MPPED1: variants seen among roughly 807,000 people sequenced by gnomAD.
MPPED1 encodes metallophosphoesterase domain-containing protein 1.
Under a neutral mutation model 36.2 loss-of-function variants are expected in MPPED1, and 16 were observed. The observed-to-expected ratio is 0.44, with a 90% CI of 0.30 to 0.67. The LOEUF is 0.67. Among genes scored for constraint, MPPED1 ranks in the 30% least tolerant of loss-of-function variants. The pLI is 0.10. For synonymous variants in MPPED1, 199 were observed against 191.3 expected, an observed-to-expected ratio of 1.04 and a Z score of -0.33; for missense variants, 307 against 453.4, an observed-to-expected ratio of 0.68 and a Z score of 2.93.
chr22:43,497,933 ATG>A (rs1354576050), intron 4 of MPPED1, among the ~76,000 whole-genome samples: 17 of 106,928 alleles, frequency 1.6e-4, no homozygotes, highest in African/African-American at 8.2e-4. Flanking sequence ...ATATATGTAT[ATG>A]TATATATATA....
At position 43,502,889 on chromosome 22, in the gene MPPED1, C is replaced by T; in HGVS notation, c.862+132C>T. 1 of 728,264 alleles carries T rather than the reference C, an allele frequency of 1.4e-6. No homozygotes were observed. Among genetic ancestry groups the T allele is most frequent in the South Asian group, 1.6e-5 (1 of 63,650 alleles). The allele number at this position is 728,264 out of a possible 1,614,324, so 45.1% of individuals were successfully genotyped here. A position where few individuals can be genotyped will look rare whatever the true frequency, so the allele number is the denominator to read the frequency against. On this transcript the variant is annotated intron_variant, in intron 6 of 6. Coordinates refer to ENST00000443721, the MANE Select transcript of MPPED1 (RefSeq NM_001044370.2). The surrounding 1 kb of genome is among the most constrained non-coding windows in gnomAD (Gnocchi z 5.5). ...CTACTGTTCGCTTTGTAACTGCTAACTGCCATACACACCCTGGCTGTCAAT... is the reference window on the plus strand; with the variant it reads ...CTACTGTTCGCTTTGTAACTGCTAATTGCCATACACACCCTGGCTGTCAAT...
In MPPED1 at chr22:43,426,587, G is replaced by T. The variant is rs6003194; in HGVS notation, c.224+1378G>T. The stretch of plus-strand genomic sequence containing the variant: ...ACCACTCGGAGAAGGAGTTGACGGG[G>T]TTTCGAAACCCTGGCCTGGTGGGGT... On this transcript the variant is annotated intron_variant, in intron 2 of 6. Transcript: ENST00000443721. Among the ~76,000 whole-genome samples the T allele has an allele frequency of 5.7e-3, 869 of 152,316 alleles. 9 individuals are homozygous for T. The highest frequency in any genetic ancestry group is 0.02 in the African/African-American group (839 of 41,572).
intron 2 of MPPED1, among the ~76,000 whole-genome samples, chr22:43,433,760 GA>G (rs135072): frequency 0.77 from 115,164 of 149,928 alleles, 45,492 homozygotes; most frequent in Non-Finnish European, 0.86. Context: ...TATATTGTCT[GA>G]AAAAAAAAAA....
At chr22:43,436,268 G>A (rs1328737954) in intron 3 of MPPED1, among the ~76,000 whole-genome samples, 1 of 152,232 alleles carries the variant, frequency 6.6e-6, no homozygotes. Flanking sequence ...CTGCCGTGGA[G>A]GCGTGGGTGC....
At chr22:43,446,825 C>G (rs5996335) in intron 3 of MPPED1, among the ~76,000 whole-genome samples, 2,373 of 152,316 alleles carry the variant, frequency 0.016, 65 homozygotes, top group African/African-American at 0.055. Context: ...ATTTGTGGCA[C>G]CTCTGTGTTG....
Position 43,424,455 on chromosome 22 carries a change from G to T in MPPED1, c.-78-453G>T, listed in dbSNP as rs146527539. The stretch of plus-strand genomic sequence containing the variant: ...GTGGGGCCATGTGGGTGTGTTTGGG[G>T]GTCTGTGGAGGATGGGGGAGGGTTG... On this transcript the variant is annotated intron_variant, in intron 1 of 6. Transcript: ENST00000443721. 4.6e-3 allele frequency among the ~76,000 whole-genome samples: 707 copies of T among 152,220 alleles called. 5 individuals carry two copies. Among genetic ancestry groups the T allele is most frequent in the Non-Finnish European group, 8.6e-3 (582 of 68,002 alleles).
intron 3 of MPPED1, among the ~76,000 whole-genome samples, chr22:43,469,079 A>C (rs1408007518): frequency 1.3e-5 from 2 of 152,018 alleles, no homozygotes; most frequent in African/African-American, 4.8e-5. Context: ...CTGGTCTCCA[A>C]GGTTGGTGCT....
intron 3 of MPPED1, among the ~76,000 whole-genome samples, chr22:43,468,755 C>T (rs755899995): frequency 2.6e-5 from 4 of 152,106 alleles, no homozygotes; most frequent in Non-Finnish European, 4.4e-5. Flanking sequence ...TTAATCAGGG[C>T]TCATGGAGAG....
chr22:43,499,695 GTGGAGGTGA>G, intron 5 of MPPED1, among the ~76,000 whole-genome samples: 1 of 135,970 alleles, frequency 7.4e-6, no homozygotes, highest in Non-Finnish European at 1.6e-5. Flanking sequence ...GATGGTGGTG[GTGGAGGTGA>G]TGATGGTGGT....
At chr22:43,413,366 T>A (rs1928972344) in intron 1 of MPPED1, among the ~76,000 whole-genome samples, 1 of 140,110 alleles carries the variant, frequency 7.1e-6, no homozygotes, top group Admixed American at 7.4e-5. Context: ...GTCAATAATC[T>A]GACTGGACTT....
At chr22:43,423,769 G>A (rs1244457933) in intron 1 of MPPED1, among the ~76,000 whole-genome samples, 3 of 152,194 alleles carry the variant, frequency 2.0e-5, no homozygotes, top group Non-Finnish European at 2.9e-5. Context: ...TGCGATATGA[G>A]TGTCCAGGAA....
chr22:43,474,593 T>C lies in MPPED1; in HGVS notation c.407-143T>C, dbSNP rs1931483027. On this transcript the variant is annotated intron_variant, in intron 3 of 6. Coordinates refer to ENST00000443721, the MANE Select transcript of MPPED1 (RefSeq NM_001044370.2). This position sits in a 1 kb window ranked among gnomAD's most constrained non-coding sequence, Gnocchi z 5.2. ...GGCAGCCTGCCCTATGAGTACAAGA[T>C]CGTGATCGCGGGCAACCACGAGCTG... 6.6e-7 allele frequency: 1 copy of C among 1,516,046 alleles called. No homozygotes were observed. Among genetic ancestry groups the C allele is most frequent in the Admixed American group, 1.7e-5 (1 of 57,634 alleles). 93.9% of individuals were successfully genotyped at this position (1,516,046 alleles called of 1,614,324 possible).
intron 2 of MPPED1, 23 bp from the exon 3 acceptor site, chr22:43,435,011 C>A (rs748614496): frequency 6.2e-7 from 1 of 1,608,344 alleles, no homozygotes; most frequent in South Asian, 1.1e-5. Context: ...CCTCCTGATC[C>A]GCAGTGTCAT....
chr22:43,448,792 G>A (rs1345314010), intron 3 of MPPED1, among the ~76,000 whole-genome samples: 4 of 151,796 alleles, frequency 2.6e-5, no homozygotes, highest in African/African-American at 4.8e-5. Flanking sequence ...TAGTAGGGAC[G>A]GGGTTTCACC....
At chr22:43,416,749 C>G (rs1251454396) in intron 1 of MPPED1, 1 of 152,956 alleles carries the variant, frequency 6.5e-6, no homozygotes, top group Admixed American at 6.5e-5. Flanking sequence ...AATCAGTCCA[C>G]TTGCTATTAT....
intron 3 of MPPED1, among the ~76,000 whole-genome samples, chr22:43,451,489 G>A (rs1930565892): frequency 6.6e-6 from 1 of 152,202 alleles, no homozygotes; most frequent in South Asian, 2.1e-4. Context: ...ACCTTTCGGA[G>A]TGTGCACGAT....
At chr22:43,495,869 A>T (rs374111881) in intron 4 of MPPED1, among the ~76,000 whole-genome samples, 1 of 1,436 alleles carries the variant, frequency 7.0e-4, no homozygotes, top group African/African-American at 1.8e-3. Context: ...GGTGGTGGAG[A>T]TGGTGGTGGT....
intron 3 of MPPED1, among the ~76,000 whole-genome samples, chr22:43,441,148 C>T (rs1282692327): frequency 6.6e-6 from 1 of 152,192 alleles, no homozygotes; most frequent in Non-Finnish European, 1.5e-5. Context: ...GGGTTTTAGA[C>T]TAGTTCTGTC....
intron 3 of MPPED1, among the ~76,000 whole-genome samples, chr22:43,456,546 G>A (rs1930760975): frequency 6.6e-6 from 1 of 152,172 alleles, no homozygotes; most frequent in Admixed American, 6.5e-5. Flanking sequence ...CCAGACTGGG[G>A]TGCAGTGGTG....
Sources: allele counts gnomAD v4.1 joint callset (sites outside exome capture counted in the v4.1 genomes callset), GRCh38; gene constraint gnomAD v4.1.1; non-coding constraint Gnocchi (gnomAD v3.1); transcripts MANE v1.5; gene names NCBI Gene and HGNC (gene_info 2026-07-23, HGNC 2026-07-21).